The following ZNF184 variants were observed in gnomAD, a reference collection of about 807,000 sequenced individuals.
ZNF184 encodes zinc finger protein 184 (Kruppel-like).
Under a neutral mutation model 54.4 loss-of-function variants are expected in ZNF184, and 16 were observed. The observed-to-expected ratio is 0.29, with a 90% CI of 0.20 to 0.45. ZNF184 has a LOEUF of 0.45. Among genes scored for constraint, ZNF184 ranks in the 20% least tolerant of loss-of-function variants. The pLI, the probability that ZNF184 is intolerant of heterozygous loss-of-function variation, is 1.00. For synonymous variants in ZNF184, 254 were observed against 295.3 expected (o/e 0.86, Z 1.43); for missense variants, 681 against 888.2 (o/e 0.77, Z 2.97).
chr6:27,456,577 C>T lies in ZNF184; in HGVS notation c.298+249G>A, dbSNP rs543886318. On this transcript the variant is annotated intron_variant, in intron 5 of 5. Coordinates refer to ENST00000683788, the MANE Select transcript of ZNF184 (RefSeq NM_001318891.2). ...AAGAGATGTAATTCAGAGTCCAGTT[C>T]GAGAGGTGGATTTCATAGAAAGGTA... 6.6e-5 allele frequency among the ~76,000 whole-genome samples: 10 copies of T among 152,098 alleles called. No homozygotes were observed. The East Asian group carries it at 9.6e-4, about 15-fold the overall frequency.
intron 3 of ZNF184, among the ~76,000 whole-genome samples, chr6:27,465,451 C>T (rs1198349500): frequency 7.8e-6 from 1 of 128,142 alleles, no homozygotes; most frequent in African/African-American, 3.1e-5. Context: ...CGCCACTGCA[C>T]TCCAGGCTGG....
chr6:27,465,484 CAAAAAAAAAA>C (rs60538455), intron 3 of ZNF184, among the ~76,000 whole-genome samples: 1 of 35,164 alleles, frequency 2.8e-5, no homozygotes, highest in Non-Finnish European at 4.9e-5. Flanking sequence ...GACTCCATCT[CAAAAAAAAAA>C]AAAAAAAAAA....
downstream of ZNF184, among the ~76,000 whole-genome samples, chr6:27,448,483 CA>C (rs1762663037): frequency 1.3e-5 from 2 of 152,192 alleles, no homozygotes; most frequent in South Asian, 4.1e-4. Context: ...CGACACTCTC[CA>C]ATGACTTGCC....
At chr6:27,440,674 G>A in the ZNF184 span, among the ~76,000 whole-genome samples, 1 of 152,122 alleles carries the variant, frequency 6.6e-6, no homozygotes, top group South Asian at 2.1e-4. Flanking sequence ...TTGTAACAAG[G>A]GAAGTTCAGT....
the ZNF184 span, among the ~76,000 whole-genome samples, chr6:27,412,926 G>A: frequency 1.3e-5 from 2 of 152,120 alleles, no homozygotes; most frequent in Non-Finnish European, 2.9e-5. Flanking sequence ...GAGATAGAAA[G>A]TATAATCATA....
At chr6:27,426,327 C>T in the ZNF184 span, among the ~76,000 whole-genome samples, 4 of 152,174 alleles carry the variant, frequency 2.6e-5, no homozygotes, top group Admixed American at 2.6e-4. This position sits in a 1 kb window ranked among gnomAD's most constrained non-coding sequence, Gnocchi z 4.2. Context: ...CAGGAATCCC[C>T]ACGCCTGTGA....
At chr6:27,460,897 T>C (rs1431757189) in intron 3 of ZNF184, among the ~76,000 whole-genome samples, 1 of 152,176 alleles carries the variant, frequency 6.6e-6, no homozygotes, top group Admixed American at 6.5e-5. Context: ...CAGGGATGCC[T>C]AGATCCTTGG....
the ZNF184 span, among the ~76,000 whole-genome samples, chr6:27,424,009 T>G: frequency 6.6e-6 from 1 of 152,334 alleles, no homozygotes; most frequent in Non-Finnish European, 1.5e-5. Context: ...TCTCACTGAC[T>G]TCAAGAATGA....
the ZNF184 span, among the ~76,000 whole-genome samples, chr6:27,433,969 C>T: frequency 8.5e-6 from 1 of 117,816 alleles, no homozygotes; most frequent in Non-Finnish European, 1.9e-5. Context: ...CCTTCCTCTC[C>T]CTCCCTTCCT....
the ZNF184 span, among the ~76,000 whole-genome samples, chr6:27,427,804 G>C: frequency 1.3e-5 from 2 of 152,160 alleles, no homozygotes; most frequent in Non-Finnish European, 2.9e-5. Flanking sequence ...CCAAAAGAGG[G>C]CATTTTGGTG....
chr6:27,453,199 C>T lies in ZNF184; in HGVS notation c.360G>A (p.Glu120=). ...TTTCCACTATTACCTCTGGAGATAG[C>T]TCTTCTTCAGAAATGTCAGGCTCTG... ...SAPEPDISEE[E]LSPEVIVEKH... is the part of the protein sequence containing the mutation. The change falls in exon 6 of 6, where the codon GAG becomes GAA. Residue 120 remains glutamate, a synonymous_variant. Coordinates refer to ENST00000683788, the MANE Select transcript of ZNF184 (RefSeq NM_001318891.2). This position sits in a 1 kb window ranked among gnomAD's most constrained non-coding sequence, Gnocchi z 4.7. 6.2e-7 allele frequency: 1 copy of T among 1,613,398 alleles called. No homozygotes were observed. Among genetic ancestry groups the T allele is most frequent in the Non-Finnish European group, 8.5e-7 (1 of 1,179,752 alleles).
intron 3 of ZNF184, among the ~76,000 whole-genome samples, chr6:27,466,320 T>C (rs1212597495): frequency 1.3e-5 from 2 of 152,232 alleles, no homozygotes; most frequent in Non-Finnish European, 2.9e-5. Context: ...TTTTGGACTT[T>C]TGACTTCTAA....
chr6:27,448,770 T>C (rs1442078558), downstream of ZNF184, among the ~76,000 whole-genome samples: 1 of 152,090 alleles, frequency 6.6e-6, no homozygotes, highest in Non-Finnish European at 1.5e-5. Flanking sequence ...TTTCCTTTTT[T>C]TTTTTCCCCC....
At chr6:27,444,948 C>A in the ZNF184 span, among the ~76,000 whole-genome samples, 2 of 152,170 alleles carry the variant, frequency 1.3e-5, no homozygotes, top group Non-Finnish European at 2.9e-5. Context: ...AGCTAAATCA[C>A]AATGAAAACG....
At position 27,461,380 on chromosome 6, in the gene ZNF184, A is replaced by G. The variant is rs77405371; in HGVS notation, c.76-3971T>C. 2.0e-3 allele frequency among the ~76,000 whole-genome samples: 301 copies of G among 152,218 alleles called. 2 individuals are homozygous for G. The highest frequency in any genetic ancestry group is 6.6e-3 in the African/African-American group (275 of 41,520). On this transcript the variant is annotated intron_variant, in intron 3 of 5. Coordinates refer to ENST00000683788, the MANE Select transcript of ZNF184 (RefSeq NM_001318891.2). ...CTGTAATATTTGTTAGCCATGATTT[A>G]TGCTACTGAGTCATATGAATCATTC...
At chr6:27,439,619 G>T in the ZNF184 span, among the ~76,000 whole-genome samples, 1,869 of 152,216 alleles carry the variant, frequency 0.012, 42 homozygotes, top group African/African-American at 0.041. Flanking sequence ...TTATCATCTC[G>T]CATCATCACA....
At chr6:27,421,927 C>T in the ZNF184 span, among the ~76,000 whole-genome samples, 6 of 151,828 alleles carry the variant, frequency 4.0e-5, no homozygotes, top group African/African-American at 1.2e-4. Context: ...CAAACTTAGC[C>T]AGGCTTGGTG....
chr6:27,465,484 C>CA (rs60538455), intron 3 of ZNF184, among the ~76,000 whole-genome samples: 4,874 of 35,136 alleles, frequency 0.14, 1,070 homozygotes, highest in South Asian at 0.22. Context: ...GACTCCATCT[C>CA]AAAAAAAAAA....
chr6:27,448,742 C>T (rs1457354247), downstream of ZNF184, among the ~76,000 whole-genome samples: 1 of 147,000 alleles, frequency 6.8e-6, no homozygotes, highest in African/African-American at 2.5e-5. Context: ...GCTCCAATGA[C>T]AAGTCATTAG....
Sources: allele counts gnomAD v4.1 joint callset (sites outside exome capture counted in the v4.1 genomes callset), GRCh38; gene constraint gnomAD v4.1.1; non-coding constraint Gnocchi (gnomAD v3.1); transcripts MANE v1.5; gene names NCBI Gene and HGNC (gene_info 2026-07-23, HGNC 2026-07-21).